Variants in MDGA2 observed in about 807,000 individuals in gnomAD.
MDGA2 encodes MAM domain-containing glycosylphosphatidylinositol anchor protein 2.
A neutral mutation model predicts 117.8 loss-of-function variants in MDGA2; 40 were observed. The ratio of observed to expected loss-of-function variants is 0.34; its 90% CI spans 0.26 to 0.44. The LOEUF is 0.44. Ranked by LOEUF, MDGA2 falls within the 20% of genes least tolerant of loss-of-function variation. The probability of loss-of-function intolerance (pLI) is 1.00; values close to 1 mark genes in which losing one functional copy is unlikely to be tolerated. For synonymous variants in MDGA2, 452 were observed against 439.0 expected (o/e 1.03, Z -0.37); for missense variants, 1,123 against 1,250.6 (o/e 0.90, Z 1.54).
intron 1 of MDGA2, among the ~76,000 whole-genome samples, chr14:47,309,526 A>G (rs1373367317): frequency 6.6e-6 from 1 of 152,104 alleles, no homozygotes; most frequent in African/African-American, 2.4e-5. Flanking sequence ...TTTCCTTAGT[A>G]CATGTTGGGT....
At chr14:46,861,259 C>T (rs79842630) in intron 14 of MDGA2, among the ~76,000 whole-genome samples, 4 of 151,876 alleles carry the variant, frequency 2.6e-5, no homozygotes, top group South Asian at 2.1e-4. Context: ...AGAATTCATG[C>T]GTTTTAATAA....
intron 1 of MDGA2, among the ~76,000 whole-genome samples, chr14:47,330,400 CAGAG>C (rs1449075288): frequency 6.6e-6 from 1 of 151,658 alleles, no homozygotes; most frequent in East Asian, 1.9e-4. Context: ...CAAAGAAATG[CAGAG>C]AAAGAAGGAC....
At chr14:47,304,211 T>G (rs1454348321) in intron 1 of MDGA2, among the ~76,000 whole-genome samples, 6 of 152,152 alleles carry the variant, frequency 3.9e-5, no homozygotes, top group Non-Finnish European at 7.4e-5. Flanking sequence ...AAAGCTCACT[T>G]GAAAGGACCT....
At chr14:47,528,869 CA>C (rs1895030798) in intron 1 of MDGA2, among the ~76,000 whole-genome samples, 1 of 151,906 alleles carries the variant, frequency 6.6e-6, no homozygotes, top group Non-Finnish European at 1.5e-5. Context: ...TCTACTACAC[CA>C]AGAAAATAAT....
At chr14:47,289,348 C>T (rs1161541577) in intron 2 of MDGA2, among the ~76,000 whole-genome samples, 1 of 150,702 alleles carries the variant, frequency 6.6e-6, no homozygotes, top group East Asian at 1.9e-4. Context: ...CGCACACACT[C>T]TCATACTTAA....
At chr14:47,136,052 T>C (rs1238964837) in intron 4 of MDGA2, among the ~76,000 whole-genome samples, 11 of 152,150 alleles carry the variant, frequency 7.2e-5, no homozygotes, top group Admixed American at 7.2e-4. Flanking sequence ...TCTAATTTTT[T>C]TCACCAAGGC....
chr14:47,107,613 T>C (rs1880785059), intron 5 of MDGA2, among the ~76,000 whole-genome samples: 1 of 151,440 alleles, frequency 6.6e-6, no homozygotes. Flanking sequence ...CTGTTACCTA[T>C]CTCGGCATAA....
chr14:47,617,133 T>TG (rs1246123210), intron 1 of MDGA2, among the ~76,000 whole-genome samples: 2 of 152,166 alleles, frequency 1.3e-5, no homozygotes, highest in African/African-American at 4.8e-5. Flanking sequence ...CAGTCTCATA[T>TG]ATAGTGAAGA....
At chr14:47,394,810 A>C (rs1401631570) in intron 1 of MDGA2, among the ~76,000 whole-genome samples, 2 of 152,200 alleles carry the variant, frequency 1.3e-5, no homozygotes, top group African/African-American at 4.8e-5. Flanking sequence ...AGAAAGTTTT[A>C]AAATGAATAA....
chr14:47,058,691 T>C, intron 7 of MDGA2: 1 of 985,338 alleles, frequency 1.0e-6, no homozygotes, highest in Non-Finnish European at 1.2e-6. Context: ...TACTGCATTC[T>C]AGTATTCCAC....
chr14:46,953,558 T>C (rs1595065658), intron 9 of MDGA2, among the ~76,000 whole-genome samples: 1 of 152,030 alleles, frequency 6.6e-6, no homozygotes, highest in Non-Finnish European at 1.5e-5. Context: ...ATGCTTAGAC[T>C]ATTGCATTTA....
chr14:47,624,318 C>T (rs972395619), intron 1 of MDGA2, among the ~76,000 whole-genome samples: 3 of 152,114 alleles, frequency 2.0e-5, no homozygotes, highest in Admixed American at 1.3e-4. Flanking sequence ...ATTAGCCAGG[C>T]ATGGTGGCGG....
intron 1 of MDGA2, among the ~76,000 whole-genome samples, chr14:47,651,192 A>G (rs1897633276): frequency 6.8e-6 from 1 of 146,240 alleles, no homozygotes; most frequent in South Asian, 2.3e-4. Flanking sequence ...CTTAAGGGAG[A>G]TTCTGTGTGT....
chr14:47,345,427 A>C (rs1286063013), intron 1 of MDGA2, among the ~76,000 whole-genome samples: 1 of 152,134 alleles, frequency 6.6e-6, no homozygotes, highest in African/African-American at 2.4e-5. Flanking sequence ...TATCTCCCCA[A>C]ACAAGTTTTC....
chr14:46,889,228 T>C (rs1349622809), intron 10 of MDGA2, among the ~76,000 whole-genome samples: 1 of 152,102 alleles, frequency 6.6e-6, no homozygotes, highest in Non-Finnish European at 1.5e-5. Context: ...CTTCTTTCAT[T>C]ACCACAAATT....
chr14:46,912,249 G>A (rs1337762030), intron 10 of MDGA2, among the ~76,000 whole-genome samples: 1 of 152,072 alleles, frequency 6.6e-6, no homozygotes, highest in Non-Finnish European at 1.5e-5. Context: ...TTGTTTGTAA[G>A]TACAAACATA....
intron 1 of MDGA2, among the ~76,000 whole-genome samples, chr14:47,505,664 T>G (rs564940729): frequency 6.6e-6 from 1 of 152,296 alleles, no homozygotes; most frequent in East Asian, 1.9e-4. Flanking sequence ...CCCTTAGTTT[T>G]CAGTTAACCC....
chr14:46,859,382 T>C (rs562057355), intron 14 of MDGA2, among the ~76,000 whole-genome samples: 1 of 152,330 alleles, frequency 6.6e-6, no homozygotes, highest in Admixed American at 6.5e-5. Flanking sequence ...CTTCAGCAAA[T>C]AGTCATGAGG....
intron 14 of MDGA2, among the ~76,000 whole-genome samples, chr14:46,863,339 C>A (rs181987522): frequency 4.3e-4 from 65 of 152,168 alleles, no homozygotes; most frequent in Non-Finnish European, 7.6e-4. Flanking sequence ...AAATTTATTA[C>A]CTCAAAAAGA....
Sources: allele counts gnomAD v4.1 joint callset (sites outside exome capture counted in the v4.1 genomes callset), GRCh38; gene constraint gnomAD v4.1.1; transcripts MANE v1.5; gene names NCBI Gene and HGNC (gene_info 2026-07-23, HGNC 2026-07-21).